The following PTDSS2 variants were observed in gnomAD, a reference collection of about 807,000 sequenced individuals.
The protein encoded by PTDSS2 is PSS-2.
In PTDSS2, 41 loss-of-function variants were observed where a neutral mutation model predicts 64.7. The ratio of observed to expected loss-of-function variants is 0.63; its 90% CI spans 0.49 to 0.82. The LOEUF is 0.82. PTDSS2 is among the 40% of genes least tolerant of loss of function. The pLI is 0.00. For synonymous variants in PTDSS2, 297 were observed against 277.8 expected, an observed-to-expected ratio of 1.07 and a Z score of -0.69; for missense variants, 485 against 650.0, an observed-to-expected ratio of 0.75 and a Z score of 2.76.
chr11:487,280 C>G lies in PTDSS2; in HGVS notation c.571-140C>G, dbSNP rs867466317. ...TAGGCTGTCGTGGACGTGGTCTCCA[C>G]AGGCCACGGCAGCACCTGTGAGTCC... On this transcript the variant is annotated intron_variant, in intron 5 of 11. Coordinates refer to ENST00000308020, the MANE Select transcript of PTDSS2 (RefSeq NM_030783.3). 49 of 970,344 alleles carry G rather than the reference C, an allele frequency of 5.0e-5. No homozygotes were observed. The Middle Eastern group carries it at 2.0e-3, about 40-fold the overall frequency. 60.1% of individuals were successfully genotyped at this position (970,344 alleles called of 1,614,324 possible).
chr11:490,325 T>C, intron 11 of PTDSS2, 95 bp from the exon 12 acceptor site: 1 of 1,553,558 alleles, frequency 6.4e-7, no homozygotes, highest in Non-Finnish European at 8.9e-7. Flanking sequence ...CCCAGTCCAT[T>C]CCGGACCTCC....
In PTDSS2 at chr11:489,717, G is replaced by C. The variant is rs550037846; in HGVS notation, c.1099G>C (p.Asp367His). 1 of 1,608,738 alleles carries C rather than the reference G, an allele frequency of 6.2e-7. No homozygotes were observed. The highest frequency in any genetic ancestry group is 1.1e-5 in the South Asian group (1 of 90,110). ...VGGVAMREIY[D>H]FMDDPKPHKK... Reference sequence around the variant, plus strand: ...TGGCGTGGCCATGCGTGAGATCTACGACTTCATGGATGACCCGTGAGGGCT... The same window carrying C: ...TGGCGTGGCCATGCGTGAGATCTACCACTTCATGGATGACCCGTGAGGGCT... The change falls in exon 10 of 12, where the codon GAC (aspartate) becomes CAC (histidine). Residue 367 changes from aspartate (D) to histidine (H), a missense_variant. Physicochemically the swap from Asp to His is moderately conservative, Grantham distance 81 (BLOSUM62 -1). Coordinates refer to ENST00000308020, the MANE Select transcript of PTDSS2 (RefSeq NM_030783.3).
intron 1 of PTDSS2, among the ~76,000 whole-genome samples, chr11:455,964 C>T (rs1017604571): frequency 3.2e-4 from 49 of 152,198 alleles, no homozygotes; most frequent in South Asian, 2.3e-3. Flanking sequence ...CCGGGCCCCA[C>T]CCCCCGCCTT....
Position 490,830 on chromosome 11 carries a change from G to GTGT in PTDSS2, c.*248_*249insTGT. On this transcript the variant is annotated 3_prime_UTR_variant, in exon 12 of 12. Coordinates refer to ENST00000308020, the MANE Select transcript of PTDSS2 (RefSeq NM_030783.3). ...TGTACGCGCGTGTGTACACATGCGT[G>GTGT]GCCGCCTGTGGTGTGCACGTGTGCT... The GTGT allele has an allele frequency of 2.4e-6, 1 of 418,852 alleles. No homozygotes were observed. Among genetic ancestry groups the GTGT allele is most frequent in the Non-Finnish European group, 4.4e-6 (1 of 227,278 alleles). The allele number at this position is 418,852 out of a possible 1,614,324, so 25.9% of individuals were successfully genotyped here. A position where few individuals can be genotyped will look rare whatever the true frequency, so the allele number is the denominator to read the frequency against.
upstream of PTDSS2, among the ~76,000 whole-genome samples, chr11:449,239 T>G (rs1167931379): frequency 6.6e-6 from 1 of 152,186 alleles, no homozygotes; most frequent in Non-Finnish European, 1.5e-5. Context: ...GGGCAATTTT[T>G]GTATTTTTAG....
chr11:465,411 C>G (rs1343412993), intron 2 of PTDSS2, among the ~76,000 whole-genome samples: 1 of 152,132 alleles, frequency 6.6e-6, no homozygotes, highest in Non-Finnish European at 1.5e-5. Context: ...AGGCTGGTCT[C>G]AAACCCCTGC....
chr11:464,729 A>G (rs1362848012), intron 2 of PTDSS2, among the ~76,000 whole-genome samples: 1 of 152,260 alleles, frequency 6.6e-6, no homozygotes, highest in Non-Finnish European at 1.5e-5. Context: ...GGGAGAGTCC[A>G]GCTTTCCTCA....
intron 4 of PTDSS2, among the ~76,000 whole-genome samples, chr11:482,009 AT>A (rs1208817463): frequency 3.2e-4 from 46 of 144,704 alleles, no homozygotes; most frequent in East Asian, 4.0e-4. Flanking sequence ...TGCCCAGCTA[AT>A]TTTTTTTTTT....
chr11:490,465 G>A lies in PTDSS2; in HGVS notation c.1347G>A (p.Gln449=). 1 of 1,613,238 alleles carries A rather than the reference G, an allele frequency of 6.2e-7. No homozygotes were observed. The change falls in exon 12 of 12, where the codon CAG becomes CAA. Residue 449 remains glutamine, a synonymous_variant. Transcript: ENST00000308020. The part of the protein sequence containing the change: ...RYKETRWQKW[Q]NKDDQGSTVG... ...AGGAGACCCGGTGGCAGAAGTGGCA[G>A]AACAAGGATGACCAGGGCAGCACCG...
intron 4 of PTDSS2, among the ~76,000 whole-genome samples, chr11:486,436 G>A (rs944898032): frequency 3.3e-5 from 5 of 152,192 alleles, no homozygotes; most frequent in African/African-American, 9.6e-5. Flanking sequence ...ATGGGGTGTC[G>A]TGCCTGGGGG....
intron 1 of PTDSS2, chr11:459,587 TG>T (rs1846778000): frequency 6.5e-6 from 1 of 152,992 alleles, no homozygotes; most frequent in Non-Finnish European, 1.5e-5. Flanking sequence ...CTAGGCTGGT[TG>T]TGGGCTTTTC....
At position 487,458 on chromosome 11, in the gene PTDSS2, C is replaced by G; in HGVS notation, c.609C>G (p.Gly203=). The stretch of plus-strand genomic sequence containing the variant: ...GCTTTGTTCCCGCGCACTTTCTTGG[C>G]TGGTACCTGAAGGTACGGCACCTCC... The part of the protein sequence containing the change: ...LDGFVPAHFL[G]WYLKTLMIRD... The change falls in exon 6 of 12, where the codon GGC becomes GGG. Residue 203 remains glycine (G), a synonymous_variant. Transcript: ENST00000308020. The G allele has an allele frequency of 6.2e-7, 1 of 1,613,920 alleles. No homozygotes were observed. Among genetic ancestry groups the G allele is most frequent in the African/African-American group, 1.3e-5 (1 of 75,066 alleles).
intron 3 of PTDSS2, among the ~76,000 whole-genome samples, chr11:475,274 ACGGCCATATTCACGCGTT>A (rs1847725738): frequency 8.0e-6 from 1 of 124,612 alleles, no homozygotes; most frequent in Non-Finnish European, 1.9e-5. Flanking sequence ...CGTTTGTGAT[ACGGCCATATTCACGCGTT>A]TGTGTGATAC....
rs1564964678 is a variant in PTDSS2 at position 460,864 on chromosome 11, T to A, written c.284+576T>A. On this transcript the variant is annotated intron_variant, in intron 2 of 11. Coordinates refer to ENST00000308020, the MANE Select transcript of PTDSS2 (RefSeq NM_030783.3). The surrounding 1 kb of genome is among the most constrained non-coding windows in gnomAD (Gnocchi z 5.8). ...GAAGTGCGTGTGGAAGAGAAGCTGG[T>A]TTTAGAGCCTGTGAATCAGTCTTGA... 6.5e-6 allele frequency: 1 copy of A among 152,902 alleles called. No individual in the cohort carries two copies. The highest frequency in any genetic ancestry group is 1.5e-5 in the Non-Finnish European group (1 of 68,590). 9.5% of individuals were successfully genotyped at this position (152,902 alleles called of 1,614,324 possible).
Position 461,919 on chromosome 11 carries a change from A to C in PTDSS2, c.284+1631A>C, listed in dbSNP as rs1380887274. 6.6e-6 allele frequency among the ~76,000 whole-genome samples: 1 copy of C among 152,160 alleles called. No individual in the cohort carries two copies. The highest frequency in any genetic ancestry group is 1.5e-5 in the Non-Finnish European group (1 of 68,014). On this transcript the variant is annotated intron_variant, in intron 2 of 11. Coordinates refer to ENST00000308020, the MANE Select transcript of PTDSS2 (RefSeq NM_030783.3). The surrounding 1 kb of genome is among the most constrained non-coding windows in gnomAD (Gnocchi z 4.2). ...GTGGGCAGGAGCCCCGTGTGTGCCT[A>C]GAGGGAGCTTTCAAGGAGGACTTGG...
intron 3 of PTDSS2, among the ~76,000 whole-genome samples, chr11:477,520 G>T (rs1298203151): frequency 6.6e-6 from 1 of 152,194 alleles, no homozygotes; most frequent in Non-Finnish European, 1.5e-5. Context: ...GTGCTGGTCG[G>T]GTGGGAAGCG....
chr11:453,144 G>A (rs966699011), intron 1 of PTDSS2, among the ~76,000 whole-genome samples: 7 of 152,272 alleles, frequency 4.6e-5, no homozygotes, highest in African/African-American at 1.7e-4. Flanking sequence ...CGTGCGGTTC[G>A]ATTCAGGGCT....
chr11:460,375 G>T lies in PTDSS2; in HGVS notation c.284+87G>T. The stretch of plus-strand genomic sequence containing the variant: ...ACCCTTACTGCTCGGGCTGCCGGGG[G>T]CTCAGAAGGCCTTCACCAGAGGGCT... On this transcript the variant is annotated intron_variant, in intron 2 of 11. Coordinates refer to ENST00000308020, the MANE Select transcript of PTDSS2 (RefSeq NM_030783.3). The surrounding 1 kb of genome is among the most constrained non-coding windows in gnomAD (Gnocchi z 5.8). 1.8e-6 allele frequency: 2 copies of T among 1,103,122 alleles called. No homozygotes were observed. The highest frequency in any genetic ancestry group is 2.5e-5 in the East Asian group (1 of 39,430). The allele number at this position is 1,103,122 out of a possible 1,614,324, so 68.3% of individuals were successfully genotyped here. A position where few individuals can be genotyped will look rare whatever the true frequency, so the allele number is the denominator to read the frequency against.
In PTDSS2 at chr11:470,093, T is replaced by C. The variant is rs1228476368; in HGVS notation, c.285-3802T>C. ...GATCCCCCCATTCCAGGAGCTGGCG[T>C]GAGCTCCCGGCACCGCTGTGCGCTG... On this transcript the variant is annotated intron_variant, in intron 2 of 11. Transcript: ENST00000308020. This position sits in a 1 kb window ranked among gnomAD's most constrained non-coding sequence, Gnocchi z 5.3. 2.0e-5 allele frequency among the ~76,000 whole-genome samples: 3 copies of C among 152,202 alleles called. No individual in the cohort carries two copies. The highest frequency in any genetic ancestry group is 4.4e-5 in the Non-Finnish European group (3 of 68,032).
Sources: gnomAD v4.1 joint callset for allele counts (sites outside exome capture counted in the v4.1 genomes callset) on GRCh38, gnomAD v4.1.1 for gene constraint, Gnocchi (gnomAD v3.1) non-coding constraint, MANE v1.5 for transcripts, NCBI Gene and HGNC (gene_info 2026-07-23, HGNC 2026-07-21) for gene names.